TMTC2: variants seen among roughly 807,000 people sequenced by gnomAD.
TMTC2 encodes the protein transmembrane O-mannosyltransferase targeting cadherins 2.
Under a neutral mutation model 82.4 loss-of-function variants are expected in TMTC2, and 43 were observed. That is an observed-to-expected ratio of 0.52 (90% CI 0.41 to 0.67). The LOEUF is 0.67. TMTC2 is among the 30% of genes least tolerant of loss of function. TMTC2 has a pLI of 0.00. For missense variants in TMTC2, 919 were observed against 1,012.4 expected, an observed-to-expected ratio of 0.91 and a Z score of 1.25; for synonymous variants, 408 against 381.9, an observed-to-expected ratio of 1.07 and a Z score of -0.80.
chr12:82,770,623 G>A (rs527437880), intron 1 of TMTC2, among the ~76,000 whole-genome samples: 1 of 152,034 alleles, frequency 6.6e-6, no homozygotes, highest in Non-Finnish European at 1.5e-5. Context: ...TAATCTAAAT[G>A]AGCCTATAAC....
chr12:82,939,295 A>G (rs1453303520), intron 4 of TMTC2, among the ~76,000 whole-genome samples: 3 of 152,046 alleles, frequency 2.0e-5, no homozygotes, highest in Non-Finnish European at 4.4e-5. Context: ...CCTATTTTGC[A>G]TATATTTTCA....
At position 82,965,679 on chromosome 12, in the gene TMTC2, A is replaced by G. The variant is rs752499899; in HGVS notation, c.1804A>G (p.Lys602Glu). The G allele has an allele frequency of 3.7e-6, 6 of 1,613,746 alleles. No individual in the cohort carries two copies. The African/African-American group carries it at 8.0e-5, about 22-fold the overall frequency. ...DENLKDPHAH[K>E]SSVTSCLYNL... Reference sequence around the variant, plus strand: ...AAACCTAAAGGACCCTCATGCACACAAGAGCTCTGTTACCAGTTGTTTGTA... The same window carrying G: ...AAACCTAAAGGACCCTCATGCACACGAGAGCTCTGTTACCAGTTGTTTGTA... The change falls in exon 6 of 12, where the codon AAG becomes GAG. Residue 602 changes from lysine (K) to glutamate (E), a missense_variant. By Grantham distance (56) the Lys-to-Glu change is moderately conservative. Transcript: ENST00000321196.
chr12:83,099,553 C>T (rs1021198966), intron 11 of TMTC2, among the ~76,000 whole-genome samples: 5 of 151,962 alleles, frequency 3.3e-5, no homozygotes, highest in African/African-American at 1.2e-4. Flanking sequence ...AGTGTATAAG[C>T]CAGATTTCAG....
intron 1 of TMTC2, among the ~76,000 whole-genome samples, chr12:82,801,408 T>C (rs547910309): frequency 3.9e-5 from 6 of 152,188 alleles, no homozygotes; most frequent in African/African-American, 1.4e-4. Context: ...AGAACAAAGC[T>C]TCCACCGTGT....
At chr12:83,103,049 A>G (rs1884276274) in intron 11 of TMTC2, among the ~76,000 whole-genome samples, 1 of 152,194 alleles carries the variant, frequency 6.6e-6, no homozygotes. Context: ...GTACCTTTCC[A>G]AAGGCAAGGA....
At chr12:83,039,019 C>T (rs1459287831) in intron 9 of TMTC2, among the ~76,000 whole-genome samples, 1 of 149,014 alleles carries the variant, frequency 6.7e-6, no homozygotes, top group Non-Finnish European at 1.5e-5. Context: ...GCAACCTCTG[C>T]CCCCCGGGTT....
intron 1 of TMTC2, among the ~76,000 whole-genome samples, chr12:82,697,299 A>G (rs943531907): frequency 2.0e-5 from 3 of 147,316 alleles, no homozygotes; most frequent in African/African-American, 7.5e-5. Flanking sequence ...GGCCAAGATC[A>G]CGCCACTGCA....
At chr12:82,982,587 T>C (rs566580048) in intron 7 of TMTC2, among the ~76,000 whole-genome samples, 26 of 152,032 alleles carry the variant, frequency 1.7e-4, no homozygotes, top group African/African-American at 5.8e-4. Flanking sequence ...AGAATTGAAT[T>C]ACATATGCGT....
At position 83,133,963 on chromosome 12, in the gene TMTC2, T is replaced by C. The variant is rs547440345; in HGVS notation, c.*1574T>C. ...CTCTCCATTAAAAAGAAGCTGGACA[T>C]GCAAATACATCATATTATGTTTTCT... On this transcript the variant is annotated 3_prime_UTR_variant, in exon 12 of 12. Transcript: ENST00000321196. 6.6e-6 allele frequency: 1 copy of C among 152,648 alleles called. No individual in the cohort carries two copies. The highest frequency in any genetic ancestry group is 2.4e-5 in the African/African-American group (1 of 41,578). The allele number at this position is 152,648 out of a possible 1,614,324, so 9.5% of individuals were successfully genotyped here. A position where few individuals can be genotyped will look rare whatever the true frequency, so the allele number is the denominator to read the frequency against.
At chr12:82,809,263 T>C (rs116569830) in intron 1 of TMTC2, among the ~76,000 whole-genome samples, 1 of 152,176 alleles carries the variant, frequency 6.6e-6, no homozygotes, top group African/African-American at 2.4e-5. Context: ...GCTAGGTTCT[T>C]CATAAGATTT....
intron 8 of TMTC2, among the ~76,000 whole-genome samples, chr12:83,011,709 C>G (rs1880469513): frequency 6.6e-6 from 1 of 152,136 alleles, no homozygotes. Flanking sequence ...TAGCAAAGTC[C>G]TACCGAACTA....
At chr12:82,980,790 T>C (rs1843898070) in intron 7 of TMTC2, among the ~76,000 whole-genome samples, 1 of 151,930 alleles carries the variant, frequency 6.6e-6, no homozygotes, top group Non-Finnish European at 1.5e-5. Context: ...ATCTGTGTCA[T>C]AATTTTGCCC....
At chr12:82,756,618 CAGAT>C (rs561352626) in intron 1 of TMTC2, among the ~76,000 whole-genome samples, 70 of 152,274 alleles carry the variant, frequency 4.6e-4, no homozygotes, top group African/African-American at 1.5e-3. Flanking sequence ...ACAAAGCAAA[CAGAT>C]AGAGAACCTG....
At chr12:83,085,230 T>TAG (rs1202797818) in intron 11 of TMTC2, among the ~76,000 whole-genome samples, 2 of 152,234 alleles carry the variant, frequency 1.3e-5, no homozygotes, top group African/African-American at 4.8e-5. Flanking sequence ...TACATTTTGC[T>TAG]AACTATGCCT....
At chr12:82,826,047 G>A (rs1051447363) in intron 1 of TMTC2, among the ~76,000 whole-genome samples, 1 of 152,108 alleles carries the variant, frequency 6.6e-6, no homozygotes, top group Non-Finnish European at 1.5e-5. Context: ...TGCTAGACTT[G>A]GATAAATTTA....
chr12:82,974,654 A>G (rs1001961824), intron 7 of TMTC2, among the ~76,000 whole-genome samples: 2 of 152,220 alleles, frequency 1.3e-5, no homozygotes, highest in Non-Finnish European at 2.9e-5. Context: ...ACAAAAGCAT[A>G]ATGAATTTAT....
At chr12:82,906,426 A>T (rs1023990143) in intron 3 of TMTC2, among the ~76,000 whole-genome samples, 5 of 152,178 alleles carry the variant, frequency 3.3e-5, no homozygotes, top group African/African-American at 1.2e-4. Flanking sequence ...GCACTTTGGG[A>T]GGCCAAGGCA....
intron 2 of TMTC2, among the ~76,000 whole-genome samples, chr12:82,885,282 C>T (rs76050552): frequency 0.017 from 2,514 of 151,802 alleles, 73 homozygotes; most frequent in African/African-American, 0.057. Context: ...TGGAATTTGT[C>T]GGATTTTTGT....
intron 2 of TMTC2, among the ~76,000 whole-genome samples, chr12:82,867,300 A>T (rs1482208974): frequency 2.0e-5 from 3 of 152,204 alleles, no homozygotes; most frequent in Admixed American, 6.5e-5. Flanking sequence ...CTATGTGTTG[A>T]TTCACTTAAT....
Sources: gnomAD v4.1 joint callset for allele counts (sites outside exome capture counted in the v4.1 genomes callset) on GRCh38, gnomAD v4.1.1 for gene constraint, MANE v1.5 for transcripts, NCBI Gene and HGNC (gene_info 2026-07-23, HGNC 2026-07-21) for gene names.